Variants in ATP5F1B observed in about 807,000 individuals in gnomAD.
ATP5F1B encodes ATP synthase F1 subunit beta.
ATP5F1B carries 17 observed loss-of-function variants against 45.9 expected under a neutral mutation model. The ratio of observed to expected loss-of-function variants is 0.37; its 90% CI spans 0.25 to 0.56. ATP5F1B has a LOEUF of 0.56. Ranked by LOEUF, ATP5F1B falls within the 20% of genes least tolerant of loss-of-function variation. The probability of loss-of-function intolerance (pLI) is 0.80; values close to 1 mark genes in which losing one functional copy is unlikely to be tolerated. For missense variants in ATP5F1B, 387 were observed against 673.2 expected, an observed-to-expected ratio of 0.57 and a Z score of 4.70; for synonymous variants, 218 against 256.5, an observed-to-expected ratio of 0.85 and a Z score of 1.43.
In ATP5F1B at chr12:56,644,909, C is replaced by T; in HGVS notation, c.357G>A (p.Leu119=). ...AATCCAGTACTTTCTGGCCTCTAAC[C>T]AAGCCTTCTGTACCATCCATAGCAA... is the stretch of plus-strand genomic sequence containing the variant. ...RTIAMDGTEG[L]VRGQKVLDSG... Residue 119 remains leucine, a synonymous_variant, in exon 3 of 10, where the codon TTG becomes TTA. Coordinates refer to ENST00000262030, the MANE Select transcript of ATP5F1B (RefSeq NM_001686.4). 6.2e-7 allele frequency: 1 copy of T among 1,614,190 alleles called. No individual in the cohort carries two copies. Among genetic ancestry groups the T allele is most frequent in the African/African-American group, 1.3e-5 (1 of 75,038 alleles).
At chr12:56,643,686 C>A in intron 4 of ATP5F1B, 99 bp from the exon 5 acceptor site, 1 of 1,583,534 alleles carries the variant, frequency 6.3e-7, no homozygotes, top group South Asian at 1.1e-5. Context: ...TATTCCTTCT[C>A]AGAAATTGCA....
chr12:56,641,074 TAA>T (rs1565847703), intron 7 of ATP5F1B, among the ~76,000 whole-genome samples: 1 of 143,330 alleles, frequency 7.0e-6, no homozygotes, highest in African/African-American at 2.6e-5. Flanking sequence ...AATAAAAAAA[TAA>T]AAAAGAGGCT....
rs1951545473 is a variant in ATP5F1B at position 56,645,827 on chromosome 12, A to C, written c.127+10T>G. 6.2e-7 allele frequency: 1 copy of C among 1,607,438 alleles called. No homozygotes were observed. Among genetic ancestry groups the C allele is most frequent in the Admixed American group, 1.7e-5 (1 of 58,960 alleles). The stretch of plus-strand genomic sequence containing the variant: ...AAATGGAACGTTAGCTCCTAGAGAA[A>C]AGCACTTACCAGGATGGACCGCCGT... On this transcript the variant is annotated intron_variant, in intron 1 of 9. Transcript: ENST00000262030.
chr12:56,645,973 C>G lies in ATP5F1B; in HGVS notation c.-10G>C, dbSNP rs745591336. ...CCACAAACCCCAACATGGCGTAGTCCGGGTGGAGACTGAAGGCTGCAGCAA... is the reference window on the plus strand; with the variant it reads ...CCACAAACCCCAACATGGCGTAGTCGGGGTGGAGACTGAAGGCTGCAGCAA... On this transcript the variant is annotated 5_prime_UTR_variant, in exon 1 of 10. Transcript: ENST00000262030. 3 of 1,593,204 alleles carry G rather than the reference C, an allele frequency of 1.9e-6. No individual in the cohort carries two copies. The highest frequency in any genetic ancestry group is 1.3e-5 in the African/African-American group (1 of 74,748).
intron 8 of ATP5F1B, among the ~76,000 whole-genome samples, chr12:56,639,639 C>T (rs1035634974): frequency 1.3e-4 from 19 of 151,794 alleles, no homozygotes; most frequent in Non-Finnish European, 2.1e-4. Flanking sequence ...GGCATGGTGG[C>T]GCGCACCTGT....
At chr12:56,642,145 G>C (rs1481479155) in intron 7 of ATP5F1B, among the ~76,000 whole-genome samples, 2 of 151,948 alleles carry the variant, frequency 1.3e-5, no homozygotes, top group African/African-American at 2.4e-5. Flanking sequence ...ACAGGCGCCT[G>C]CCACAACGCC....
chr12:56,639,842 T>A (rs1474615618), intron 8 of ATP5F1B, 138 bp downstream of exon 8: 4 of 775,054 alleles, frequency 5.2e-6, no homozygotes, highest in Non-Finnish European at 6.2e-6. Flanking sequence ...GAGACCTCAT[T>A]AGCTCTCACT....
Position 56,642,717 on chromosome 12 carries a change from G to A in ATP5F1B, c.907C>T (p.Leu303=), listed in dbSNP as rs758934230. The change falls in exon 6 of 10, where the codon CTA becomes TTA. Residue 303 remains leucine, a synonymous_variant. Coordinates refer to ENST00000262030, the MANE Select transcript of ATP5F1B (RefSeq NM_001686.4). ...FRDQEGQDVL[L]FIDNIFRFTQ... is the part of the protein sequence containing the mutation. ...AAGCGAAAGATGTTATCAATAAATAGCAGTACATCTTGACCTTCTTGGTCT... is the reference window on the plus strand; with the variant it reads ...AAGCGAAAGATGTTATCAATAAATAACAGTACATCTTGACCTTCTTGGTCT... 3.7e-6 allele frequency: 6 copies of A among 1,614,178 alleles called. No homozygotes were observed. The highest frequency in any genetic ancestry group is 1.1e-5 in the South Asian group (1 of 91,080).
chr12:56,641,246 T>C (rs1304905976), intron 7 of ATP5F1B, among the ~76,000 whole-genome samples: 5 of 149,248 alleles, frequency 3.4e-5, no homozygotes, highest in African/African-American at 1.2e-4. Flanking sequence ...GCACCTATAA[T>C]CCCAGCTACT....
chr12:56,639,233 C>T lies in ATP5F1B; in HGVS notation c.1362G>A (p.Val454=). The change falls in exon 9 of 10, where the codon GTG becomes GTA. Residue 454 remains valine, a synonymous_variant. Coordinates refer to ENST00000262030, the MANE Select transcript of ATP5F1B (RefSeq NM_001686.4). ...AACGCTGTATTTTCCGTGCACGGGACACGGTCAACTTGTCTTCCTCAGAAA... is the reference window on the plus strand; with the variant it reads ...AACGCTGTATTTTCCGTGCACGGGATACGGTCAACTTGTCTTCCTCAGAAA... The part of the protein sequence containing the change: ...DELSEEDKLT[V]SRARKIQRFL... 2 of 1,614,014 alleles carry T rather than the reference C, an allele frequency of 1.2e-6. No homozygotes were observed. The highest frequency in any genetic ancestry group is 1.7e-6 in the Non-Finnish European group (2 of 1,179,942).
In ATP5F1B at chr12:56,640,087, TGCCCA is replaced by T; in HGVS notation, c.1175_1179del (p.Leu392HisfsTer23). On this transcript the variant is annotated frameshift_variant, in exon 8 of 10. Coordinates refer to ENST00000262030, the MANE Select transcript of ATP5F1B (RefSeq NM_001686.4). LOFTEE classifies it high-confidence loss of function. ...TCTAGAGGATCCACAGCTGGATAGA[TGCCCA>T]GCTCAGCAATGGCACGCGACAGTAC... 1 of 1,614,128 alleles carries T rather than the reference TGCCCA, an allele frequency of 6.2e-7. No homozygotes were observed. Among genetic ancestry groups the T allele is most frequent in the Non-Finnish European group, 8.5e-7 (1 of 1,180,028 alleles).
At chr12:56,641,952 G>GAGTCCGGGTCTGCTTTGTGGTCAC (rs2137545064) in intron 7 of ATP5F1B, among the ~76,000 whole-genome samples, 2 of 152,058 alleles carry the variant, frequency 1.3e-5, no homozygotes, top group South Asian at 4.2e-4. Context: ...CCTCAGACTA[G>GAGTCCGGGTCTGCTTTGTGGTCAC]AAACCATTGC....
chr12:56,644,694 C>A, intron 3 of ATP5F1B, 87 bp downstream of exon 3: 1 of 1,403,568 alleles, frequency 7.1e-7, no homozygotes, highest in Non-Finnish European at 9.6e-7. Flanking sequence ...AAGAAAAATT[C>A]TGCTTTAGGA....
intron 9 of ATP5F1B, among the ~76,000 whole-genome samples, 164 bp from the exon 10 acceptor site, chr12:56,638,587 T>C (rs1565847023): frequency 6.6e-6 from 1 of 152,214 alleles, no homozygotes; most frequent in Non-Finnish European, 1.5e-5. Context: ...TTACAAGATA[T>C]GATACAGTAT....
At chr12:56,640,931 C>T (rs1951507433) in intron 7 of ATP5F1B, among the ~76,000 whole-genome samples, 1 of 150,754 alleles carries the variant, frequency 6.6e-6, no homozygotes, top group Admixed American at 6.6e-5. Flanking sequence ...TGCCTGTAAT[C>T]CCAGCTATGC....
intron 8 of ATP5F1B, 123 bp from the exon 9 acceptor site, chr12:56,639,430 G>T: frequency 1.2e-6 from 1 of 858,956 alleles, no homozygotes; most frequent in Non-Finnish European, 1.8e-6. Flanking sequence ...CCTCAGCCAA[G>T]AAAGATCAGT....
intron 3 of ATP5F1B, 68 bp from the exon 4 acceptor site, chr12:56,644,026 C>CA: frequency 1.3e-6 from 2 of 1,558,310 alleles, no homozygotes; most frequent in Non-Finnish European, 1.7e-6. Flanking sequence ...CTTATATATC[C>CA]CTCCCTATCA....
At chr12:56,641,317 G>A (rs112629250) in intron 7 of ATP5F1B, among the ~76,000 whole-genome samples, 4 of 146,470 alleles carry the variant, frequency 2.7e-5, no homozygotes, top group African/African-American at 5.1e-5. Flanking sequence ...AGCCCAGATC[G>A]CACCCATTGC....
At position 56,642,522 on chromosome 12, in the gene ATP5F1B, G is replaced by A; in HGVS notation, c.1010C>T (p.Thr337Ile). The change falls in exon 7 of 10, where the codon ACT becomes ATT. Residue 337 changes from threonine (T) to isoleucine (I), a missense_variant. Coordinates refer to ENST00000262030, the MANE Select transcript of ATP5F1B (RefSeq NM_001686.4). ...SAVGYQPTLA[T>I]DMGTMQERIT... ...TCTTTCCTGCATAGTACCCATGTCA[G>A]TGGCCAGGGTAGGCTGATAGCCCAC... 1 of 1,614,094 alleles carries A rather than the reference G, an allele frequency of 6.2e-7. No individual in the cohort carries two copies. Among genetic ancestry groups the A allele is most frequent in the Non-Finnish European group, 8.5e-7 (1 of 1,180,026 alleles).
Sources: allele counts gnomAD v4.1 joint callset (sites outside exome capture counted in the v4.1 genomes callset), GRCh38; gene constraint gnomAD v4.1.1; transcripts MANE v1.5; gene names NCBI Gene and HGNC (gene_info 2026-07-23, HGNC 2026-07-21).